The following NALF1 variants were observed in gnomAD, a reference collection of about 807,000 sequenced individuals.
NALF1 encodes family with sequence similarity 155 member A.
Under a neutral mutation model 48.4 loss-of-function variants are expected in NALF1, and 3 were observed. That is an observed-to-expected ratio of 0.06 (90% CI 0.03 to 0.16). The LOEUF (loss-of-function observed/expected upper bound fraction) is 0.16, where lower values mean the gene tolerates loss of function less well. NALF1 is among the 10% of genes least tolerant of loss of function. NALF1 has a pLI of 1.00. For synonymous variants in NALF1, 262 were observed against 245.7 expected (o/e 1.07, Z -0.62); for missense variants, 526 against 571.5 (o/e 0.92, Z 0.81).
At chr13:107,223,974 T>C (rs1273394051) in intron 1 of NALF1, among the ~76,000 whole-genome samples, 1 of 152,186 alleles carries the variant, frequency 6.6e-6, no homozygotes, top group Non-Finnish European at 1.5e-5. Context: ...GTTTTTAGTA[T>C]ACAATAATGG....
At chr13:107,620,198 C>T (rs1283793752) in intron 1 of NALF1, among the ~76,000 whole-genome samples, 1 of 152,076 alleles carries the variant, frequency 6.6e-6, no homozygotes, top group Non-Finnish European at 1.5e-5. Flanking sequence ...TCTAAATGTC[C>T]ACATCAGAAC....
chr13:107,332,848 G>GT (rs905765217), intron 1 of NALF1, among the ~76,000 whole-genome samples: 2 of 151,852 alleles, frequency 1.3e-5, no homozygotes, highest in Non-Finnish European at 2.9e-5. Flanking sequence ...TTTTGTTTTT[G>GT]TTTTTTGTTT....
chr13:107,717,226 A>C (rs2138524303), intron 1 of NALF1, among the ~76,000 whole-genome samples: 1 of 152,246 alleles, frequency 6.6e-6, no homozygotes, highest in East Asian at 1.9e-4. Flanking sequence ...TCTAGCTGAC[A>C]AACATTTCAG....
chr13:107,205,321 G>C (rs1879614527), intron 2 of NALF1, among the ~76,000 whole-genome samples: 1 of 151,764 alleles, frequency 6.6e-6, no homozygotes, highest in African/African-American at 2.4e-5. Context: ...TTTTTCTTTT[G>C]CAGTTGTGAA....
chr13:107,305,362 T>C (rs943822549), intron 1 of NALF1, among the ~76,000 whole-genome samples: 1 of 152,248 alleles, frequency 6.6e-6, no homozygotes, highest in Non-Finnish European at 1.5e-5. Flanking sequence ...ATGCTGAAGT[T>C]AAAAATGCTG....
At chr13:107,317,273 G>T (rs1252938068) in intron 1 of NALF1, among the ~76,000 whole-genome samples, 3 of 151,978 alleles carry the variant, frequency 2.0e-5, no homozygotes, top group Non-Finnish European at 4.4e-5. Context: ...ATTGAGACAT[G>T]CATATGTGTC....
At chr13:107,844,169 C>T (rs1193630856) in intron 1 of NALF1, among the ~76,000 whole-genome samples, 2 of 151,992 alleles carry the variant, frequency 1.3e-5, no homozygotes, top group East Asian at 3.9e-4. Flanking sequence ...ATTCCCTTTC[C>T]TAATGTTTAT....
At chr13:107,376,126 G>A (rs1883332146) in intron 1 of NALF1, among the ~76,000 whole-genome samples, 1 of 152,088 alleles carries the variant, frequency 6.6e-6, no homozygotes, top group Non-Finnish European at 1.5e-5. Context: ...AGGCCCAGAT[G>A]GGAAGGAAAT....
chr13:107,341,766 G>A (rs1882686408), intron 1 of NALF1, among the ~76,000 whole-genome samples: 1 of 151,420 alleles, frequency 6.6e-6, no homozygotes, highest in South Asian at 2.1e-4. Context: ...TATAATGTGT[G>A]TGTGTGTATA....
chr13:107,720,770 C>A (rs1188783078), intron 1 of NALF1, among the ~76,000 whole-genome samples: 3 of 152,170 alleles, frequency 2.0e-5, no homozygotes, highest in Admixed American at 6.5e-5. Flanking sequence ...ACTGACCGAT[C>A]ACTTTAGAGC....
At chr13:107,231,079 A>G (rs1161723599) in intron 1 of NALF1, among the ~76,000 whole-genome samples, 1 of 143,450 alleles carries the variant, frequency 7.0e-6, no homozygotes, top group Admixed American at 7.0e-5. Context: ...AAAAAAAAAA[A>G]GGAAGAAAAG....
chr13:107,344,021 A>G (rs1482454805), intron 1 of NALF1, among the ~76,000 whole-genome samples: 1 of 151,824 alleles, frequency 6.6e-6, no homozygotes, highest in East Asian at 2.0e-4. Flanking sequence ...AGACATCACA[A>G]TTGGTGCCAA....
At chr13:107,766,660 C>T (rs923796033) in intron 1 of NALF1, among the ~76,000 whole-genome samples, 2 of 152,154 alleles carry the variant, frequency 1.3e-5, no homozygotes, top group Non-Finnish European at 2.9e-5. Context: ...GTATGTAAAA[C>T]ATTTTTAAAA....
rs114457047 is a variant in NALF1, at chr13:107,198,459, C to T, written c.1087+12125G>A. 6.5e-3 allele frequency among the ~76,000 whole-genome samples: 991 copies of T among 152,316 alleles called. 10 individuals carry two copies. The highest frequency in any genetic ancestry group is 0.023 in the African/African-American group (944 of 41,558). Reference sequence around the variant, plus strand: ...CTGCGTAATTATCATCCTCTAAATCCTGCTGGCTGAGCTCCCTCGATGCCT... The same window carrying T: ...CTGCGTAATTATCATCCTCTAAATCTTGCTGGCTGAGCTCCCTCGATGCCT... On this transcript the variant is annotated intron_variant, in intron 2 of 2. Coordinates refer to ENST00000375915, the MANE Select transcript of NALF1 (RefSeq NM_001080396.3).
In NALF1 at chr13:107,164,071, C is replaced by T. The variant is rs1327187187; in HGVS notation, c.*6426G>A. The T allele has an allele frequency of 6.6e-6, 1 of 152,148 alleles. No individual in the cohort carries two copies. The highest frequency in any genetic ancestry group is 1.5e-5 in the Non-Finnish European group (1 of 68,032). 9.4% of individuals were successfully genotyped at this position (152,148 alleles called of 1,614,324 possible). On this transcript the variant is annotated 3_prime_UTR_variant, in exon 3 of 3. Transcript: ENST00000375915. ...ATGACCTTCTACTTGGCTAGCACGC[C>T]AATAACTGGAATCTTGAAGCAGCAG...
chr13:107,236,683 A>G (rs61965575), intron 1 of NALF1, among the ~76,000 whole-genome samples: 11,015 of 85,114 alleles, frequency 0.13, 463 homozygotes, highest in East Asian at 0.19. Context: ...CTATCTATCT[A>G]TCTATCTATC....
chr13:107,201,937 C>G (rs1879530006), intron 2 of NALF1, among the ~76,000 whole-genome samples: 3 of 152,184 alleles, frequency 2.0e-5, no homozygotes, highest in South Asian at 4.1e-4. Context: ...TTTTCAGACT[C>G]TCTATGCCTG....
chr13:107,462,694 C>T (rs1470026320), intron 1 of NALF1, among the ~76,000 whole-genome samples: 2 of 152,166 alleles, frequency 1.3e-5, no homozygotes, highest in African/African-American at 4.8e-5. Flanking sequence ...CAGCTAGTTC[C>T]CAGAGAAACC....
chr13:107,671,571 C>T (rs1457192850), intron 1 of NALF1, among the ~76,000 whole-genome samples: 1 of 152,042 alleles, frequency 6.6e-6, no homozygotes, highest in Non-Finnish European at 1.5e-5. Flanking sequence ...GAAACAACTA[C>T]ACAAAAGACT....
Sources: allele counts gnomAD v4.1 joint callset (sites outside exome capture counted in the v4.1 genomes callset), GRCh38; gene constraint gnomAD v4.1.1; transcripts MANE v1.5; gene names NCBI Gene and HGNC (gene_info 2026-07-23, HGNC 2026-07-21).